Variants in KIAA1328 observed in about 807,000 individuals in gnomAD.
KIAA1328 encodes KIAA1328.
KIAA1328 carries 52 observed loss-of-function variants against 68.1 expected under a neutral mutation model. That is an observed-to-expected ratio of 0.76 (90% CI 0.61 to 0.96). The LOEUF (loss-of-function observed/expected upper bound fraction) is 0.96. KIAA1328 is among the 40% of genes least tolerant of loss of function. The pLI, the probability that KIAA1328 is intolerant of heterozygous loss-of-function variation, is 0.00. For synonymous variants in KIAA1328, 232 were observed against 239.4 expected, an observed-to-expected ratio of 0.97 and a Z score of 0.28; for missense variants, 641 against 677.6, an observed-to-expected ratio of 0.95 and a Z score of 0.60.
intron 7 of KIAA1328, among the ~76,000 whole-genome samples, chr18:37,115,177 A>T (rs1027804284): frequency 3.3e-5 from 5 of 152,248 alleles, no homozygotes; most frequent in Non-Finnish European, 7.3e-5. Flanking sequence ...GGCCAGCATC[A>T]TCCTGATACT....
chr18:36,829,258 C>T (rs1432210394), intron 1 of KIAA1328, 62 bp downstream of exon 1: 5 of 1,455,448 alleles, frequency 3.4e-6, no homozygotes, highest in African/African-American at 3.0e-5. Context: ...AGGGGCGAGC[C>T]GTCGCGTGGC....
At chr18:37,046,581 T>G (rs1330477141) in intron 6 of KIAA1328, among the ~76,000 whole-genome samples, 2 of 152,242 alleles carry the variant, frequency 1.3e-5, no homozygotes, top group Non-Finnish European at 2.9e-5. Flanking sequence ...CTTTTTTTGC[T>G]TACCTTCTAT....
chr18:37,115,143 A>T (rs1294785683), intron 7 of KIAA1328, among the ~76,000 whole-genome samples: 1 of 152,206 alleles, frequency 6.6e-6, no homozygotes, highest in Non-Finnish European at 1.5e-5. Context: ...AAAAAGAGGG[A>T]ATCCTCCCTA....
chr18:37,029,493 C>T (rs908938912), intron 6 of KIAA1328, among the ~76,000 whole-genome samples: 1 of 152,148 alleles, frequency 6.6e-6, no homozygotes, highest in Non-Finnish European at 1.5e-5. Context: ...CCCACCTCAG[C>T]CTCCTGAGTA....
At chr18:36,993,392 A>G (rs192616226) in intron 6 of KIAA1328, among the ~76,000 whole-genome samples, 71 of 152,302 alleles carry the variant, frequency 4.7e-4, no homozygotes, top group Admixed American at 2.2e-3. Context: ...TAAATCTGTA[A>G]ACAAAGCATG....
intron 6 of KIAA1328, among the ~76,000 whole-genome samples, chr18:36,972,374 G>A (rs1450508013): frequency 6.6e-6 from 1 of 152,038 alleles, no homozygotes; most frequent in Non-Finnish European, 1.5e-5. Flanking sequence ...TTTTATACCT[G>A]AACTTCAACA....
intron 5 of KIAA1328, among the ~76,000 whole-genome samples, chr18:36,914,741 A>AT (rs563457891): frequency 1.6e-4 from 24 of 152,148 alleles, no homozygotes; most frequent in Middle Eastern, 3.4e-3. Flanking sequence ...TAGATAAAAA[A>AT]ATATATATAT....
intron 9 of KIAA1328, among the ~76,000 whole-genome samples, chr18:37,190,321 T>C (rs942585463): frequency 6.6e-6 from 1 of 152,246 alleles, no homozygotes; most frequent in Non-Finnish European, 1.5e-5. Flanking sequence ...TTAGTCTATA[T>C]TAAAAATCAC....
In KIAA1328 at chr18:37,060,638, TAAATG is replaced by T. The variant is rs1232836435; in HGVS notation, c.577-6251_577-6247del. Among the ~76,000 whole-genome samples the T allele has an allele frequency of 3.3e-5, 5 of 152,104 alleles. No homozygotes were observed. The East Asian group carries it at 7.7e-4, about 23-fold the overall frequency. The stretch of plus-strand genomic sequence containing the variant: ...ATGCCTACACTATGGCCAAGATAAA[TAAATG>T]CATATATCTAAAAAAAAAGACTTTT... On this transcript the variant is annotated intron_variant, in intron 6 of 9. Transcript: ENST00000280020.
intron 5 of KIAA1328, among the ~76,000 whole-genome samples, chr18:36,888,999 G>T (rs1170828483): frequency 6.6e-6 from 1 of 152,074 alleles, no homozygotes; most frequent in South Asian, 2.1e-4. Context: ...TGAGTAACTT[G>T]ATTTATTGAT....
chr18:37,100,041 T>G (rs905817866), intron 7 of KIAA1328, among the ~76,000 whole-genome samples: 1 of 152,208 alleles, frequency 6.6e-6, no homozygotes, highest in East Asian at 1.9e-4. Context: ...TTTGCCAGTC[T>G]GTGTCTTTTA....
intron 9 of KIAA1328, among the ~76,000 whole-genome samples, chr18:37,193,414 TG>T (rs1205445195): frequency 1.3e-5 from 2 of 152,248 alleles, no homozygotes; most frequent in African/African-American, 4.8e-5. Flanking sequence ...CTCATCAGTT[TG>T]GGTCAGATTT....
At chr18:37,159,626 G>A (rs1442528046) in intron 7 of KIAA1328, among the ~76,000 whole-genome samples, 1 of 152,096 alleles carries the variant, frequency 6.6e-6, no homozygotes, top group Non-Finnish European at 1.5e-5. Flanking sequence ...ATGTACATGT[G>A]TTCATTTTCA....
chr18:36,982,334 A>C (rs1412035841), intron 6 of KIAA1328, among the ~76,000 whole-genome samples: 1 of 151,174 alleles, frequency 6.6e-6, no homozygotes, highest in Non-Finnish European at 1.5e-5. Context: ...TGTATACCAA[A>C]GCACATCAAA....
chr18:37,098,610 C>T (rs2057492570), intron 7 of KIAA1328, among the ~76,000 whole-genome samples: 1 of 152,130 alleles, frequency 6.6e-6, no homozygotes, highest in Non-Finnish European at 1.5e-5. Context: ...GGTAGGATTC[C>T]CTATTTTTCT....
chr18:37,079,968 A>G (rs576841184), intron 7 of KIAA1328, among the ~76,000 whole-genome samples: 72 of 151,768 alleles, frequency 4.7e-4, no homozygotes, highest in Non-Finnish European at 2.9e-5. Flanking sequence ...TATGTCAATT[A>G]AATTTTATCA....
chr18:36,950,173 A>G (rs1264796910), intron 5 of KIAA1328, among the ~76,000 whole-genome samples: 2 of 152,172 alleles, frequency 1.3e-5, no homozygotes, highest in African/African-American at 4.8e-5. Flanking sequence ...CAAAAGGGAG[A>G]AAAGAAAATG....
At chr18:36,891,164 A>G (rs1246625) in intron 5 of KIAA1328, among the ~76,000 whole-genome samples, 12,458 of 152,274 alleles carry the variant, frequency 0.082, 1,705 homozygotes, top group African/African-American at 0.28. Flanking sequence ...AAGAGATACA[A>G]TTGGAGCCCA....
chr18:36,912,752 AC>A (rs2151076445), intron 5 of KIAA1328, among the ~76,000 whole-genome samples: 1 of 152,252 alleles, frequency 6.6e-6, no homozygotes, highest in Non-Finnish European at 1.5e-5. Context: ...AAAGTTTCGA[AC>A]CGTATGAACT....
Sources: gnomAD v4.1 joint callset for allele counts (sites outside exome capture counted in the v4.1 genomes callset) on GRCh38, gnomAD v4.1.1 for gene constraint, MANE v1.5 for transcripts, NCBI Gene and HGNC (gene_info 2026-07-23, HGNC 2026-07-21) for gene names.